The following SLC9B2 variants were observed in gnomAD, a reference collection of about 807,000 sequenced individuals.
The protein encoded by SLC9B2 is solute carrier family 9 member B2.
Under a neutral mutation model 52.2 loss-of-function variants are expected in SLC9B2, and 39 were observed. The ratio of observed to expected loss-of-function variants is 0.75; its 90% confidence interval spans 0.58 to 0.98. The LOEUF is 0.98. SLC9B2 is among the 50% of genes least tolerant of loss of function. SLC9B2 has a pLI of 0.00. For missense variants in SLC9B2, 626 were observed against 637.5 expected (o/e 0.98, Z 0.19); for synonymous variants, 214 against 227.0 (o/e 0.94, Z 0.51).
Position 103,026,145 on chromosome 4 carries a change from G to T in SLC9B2, c.*225C>A. The T allele has an allele frequency of 6.8e-6, 3 of 438,664 alleles. No homozygotes were observed. Among genetic ancestry groups the T allele is most frequent in the Non-Finnish European group, 8.1e-6 (2 of 245,646 alleles). The allele number at this position is 438,664 out of a possible 1,614,324, so 27.2% of individuals were successfully genotyped here. ...GATATGTCCTTATGCAAATTAAGAT[G>T]GATGATGAAGGGGTGTTTGAAAAAA... On this transcript the variant is annotated 3_prime_UTR_variant, in exon 12 of 12. Transcript: ENST00000394785.
intron 10 of SLC9B2, among the ~76,000 whole-genome samples, chr4:103,030,931 T>C (rs1372413404): frequency 1.3e-5 from 2 of 152,116 alleles, no homozygotes; most frequent in Admixed American, 6.6e-5. Context: ...ACAGGGTTAG[T>C]CTTTTTCTGA....
chr4:103,053,710 T>C (rs976708896), intron 4 of SLC9B2, among the ~76,000 whole-genome samples: 14 of 152,104 alleles, frequency 9.2e-5, no homozygotes, highest in Non-Finnish European at 1.8e-4. Context: ...AGCTTTTTTT[T>C]TTTCTTTTTT....
In SLC9B2 at chr4:103,026,354, C is replaced by T. The variant is rs111508094; in HGVS notation, c.*16G>A. On this transcript the variant is annotated 3_prime_UTR_variant, in exon 12 of 12. Coordinates refer to ENST00000394785, the MANE Select transcript of SLC9B2 (RefSeq NM_178833.7). ...AGCTTTCTAAACATTATGTTCAGCA[C>T]TCTCTCTTTTCACCTCTAAACTTGC... 2.6e-3 allele frequency: 4,092 copies of T among 1,587,426 alleles called. 35 individuals carry two copies. In the African/African-American group the frequency reaches 0.031, roughly 12 times the overall value.
chr4:103,046,267 G>A (rs1281697104), intron 7 of SLC9B2, among the ~76,000 whole-genome samples: 3 of 152,146 alleles, frequency 2.0e-5, no homozygotes, highest in Non-Finnish European at 4.4e-5. Context: ...ATATAATGTT[G>A]CAAATTTTAT....
chr4:103,022,356 T>C lies in SLC9B2; in HGVS notation c.*4014A>G, dbSNP rs1328747625. ...ATACAAAAAAATTCTTCAATCTACA[T>C]AGCATCATAAAAGCCAAATATGAAA... is the stretch of plus-strand genomic sequence containing the variant. On this transcript the variant is annotated 3_prime_UTR_variant, in exon 12 of 12. Coordinates refer to ENST00000394785, the MANE Select transcript of SLC9B2 (RefSeq NM_178833.7). 6.6e-6 allele frequency among the ~76,000 whole-genome samples: 1 copy of C among 152,188 alleles called. No individual in the cohort carries two copies. Among genetic ancestry groups the C allele is most frequent in the Admixed American group, 6.5e-5 (1 of 15,282 alleles).
Position 103,067,590 on chromosome 4 carries a change from G to A in SLC9B2, c.-40C>T, listed in dbSNP as rs1293675322. ...AAGATGACACAGGGAAGAGGAACGA[G>A]ATCTGTTTTGAAAGAGTATAGATAT... On this transcript the variant is annotated splice_region_variant and 5_prime_UTR_variant, in exon 2 of 12. Coordinates refer to ENST00000394785, the MANE Select transcript of SLC9B2 (RefSeq NM_178833.7). 1.4e-6 allele frequency: 2 copies of A among 1,458,726 alleles called. No homozygotes were observed. The highest frequency in any genetic ancestry group is 3.4e-5 in the Admixed American group (2 of 59,632). 90.4% of individuals were successfully genotyped at this position (1,458,726 alleles called of 1,614,324 possible). A position where few individuals can be genotyped will look rare whatever the true frequency, so the allele number is the denominator to read the frequency against.
chr4:103,051,602 T>C (rs1744691118), intron 4 of SLC9B2, among the ~76,000 whole-genome samples: 1 of 152,222 alleles, frequency 6.6e-6, no homozygotes. Flanking sequence ...GAGTTATATA[T>C]GCACATGGTA....
chr4:103,069,925 A>G (rs1746467178), intron 1 of SLC9B2, among the ~76,000 whole-genome samples: 1 of 152,220 alleles, frequency 6.6e-6, no homozygotes, highest in African/African-American at 2.4e-5. Context: ...TATCAATGTT[A>G]TTATGGGGTC....
rs538721515 is a variant in SLC9B2, at chr4:103,024,163, C to G, written c.*2207G>C. 1.3e-5 allele frequency among the ~76,000 whole-genome samples: 2 copies of G among 152,258 alleles called. No individual in the cohort carries two copies. The highest frequency in any genetic ancestry group is 3.9e-4 in the East Asian group (2 of 5,184). On this transcript the variant is annotated 3_prime_UTR_variant, in exon 12 of 12. Transcript: ENST00000394785. Reference sequence around the variant, plus strand: ...TGTCTTGTTTAACTGTCTGTTTTCTCTATTGGACTGTTAAATCCTTAAGGA... The same window carrying G: ...TGTCTTGTTTAACTGTCTGTTTTCTGTATTGGACTGTTAAATCCTTAAGGA...
chr4:103,072,206 C>T (rs903265749), intron 1 of SLC9B2, among the ~76,000 whole-genome samples: 1 of 151,716 alleles, frequency 6.6e-6, no homozygotes, highest in Non-Finnish European at 1.5e-5. Flanking sequence ...TTAAAGGTGC[C>T]GGCCACCATG....
At chr4:103,065,528 TAA>T (rs1286082653) in intron 3 of SLC9B2, 2 of 152,148 alleles carry the variant, frequency 1.3e-5, no homozygotes, top group East Asian at 1.9e-4. Flanking sequence ...AAATAAATTT[TAA>T]GTCTCAATAA....
chr4:103,037,620 TTA>T (rs1473947907), intron 9 of SLC9B2, among the ~76,000 whole-genome samples: 1 of 152,210 alleles, frequency 6.6e-6, no homozygotes, highest in Non-Finnish European at 1.5e-5. Flanking sequence ...ATGAAAAATA[TTA>T]TGTTTTCATC....
At chr4:103,053,189 T>C (rs982810154) in intron 4 of SLC9B2, among the ~76,000 whole-genome samples, 3 of 152,194 alleles carry the variant, frequency 2.0e-5, no homozygotes, top group Admixed American at 6.5e-5. Flanking sequence ...TTCAAATTCA[T>C]TTCAGGAATC....
chr4:103,029,165 C>T (rs1560540479), intron 10 of SLC9B2, among the ~76,000 whole-genome samples: 1 of 152,048 alleles, frequency 6.6e-6, no homozygotes, highest in Non-Finnish European at 1.5e-5. Flanking sequence ...TGCTTTATAG[C>T]AAGAACCATG....
intron 3 of SLC9B2, among the ~76,000 whole-genome samples, chr4:103,063,446 T>C (rs1421987690): frequency 1.3e-5 from 2 of 152,224 alleles, no homozygotes; most frequent in African/African-American, 2.4e-5. Flanking sequence ...AGTATAACTA[T>C]GGAATTGAGT....
chr4:103,042,643 T>C (rs1392035018), intron 9 of SLC9B2, among the ~76,000 whole-genome samples: 1 of 151,428 alleles, frequency 6.6e-6, no homozygotes. Context: ...CTCAAAGACT[T>C]AGATCAGAAA....
Position 103,024,871 on chromosome 4 carries a change from CAGGTA to C in SLC9B2, c.*1494_*1498del, listed in dbSNP as rs1413872257. ...AAAGTAGGATAAAATATGACCTATG[CAGGTA>C]AGTCTTTCTTCTAATATTTTCTCTG... On this transcript the variant is annotated 3_prime_UTR_variant, in exon 12 of 12. Transcript: ENST00000394785. 6.6e-6 allele frequency among the ~76,000 whole-genome samples: 1 copy of C among 152,186 alleles called. No individual in the cohort carries two copies. The highest frequency in any genetic ancestry group is 1.9e-4 in the East Asian group (1 of 5,194).
intron 4 of SLC9B2, among the ~76,000 whole-genome samples, chr4:103,053,836 G>C (rs1421921827): frequency 6.6e-6 from 1 of 152,074 alleles, no homozygotes; most frequent in Non-Finnish European, 1.5e-5. Context: ...TTGAGTAGCT[G>C]GGGCTACAGG....
intron 3 of SLC9B2, chr4:103,065,723 T>C (rs1490406825): frequency 1.3e-5 from 2 of 152,196 alleles, no homozygotes; most frequent in Non-Finnish European, 2.9e-5. Context: ...TTTATCAAAT[T>C]GATGGCAGAA....
Sources: gnomAD v4.1 joint callset for allele counts (sites outside exome capture counted in the v4.1 genomes callset) on GRCh38, gnomAD v4.1.1 for gene constraint, MANE v1.5 for transcripts, NCBI Gene and HGNC (gene_info 2026-07-23, HGNC 2026-07-21) for gene names.